Variants in PSMA1 observed in about 807,000 individuals in gnomAD.
The protein encoded by PSMA1 is proteasome subunit alpha type-1.
Under a neutral mutation model 38.4 loss-of-function variants are expected in PSMA1, and 3 were observed. The ratio of observed to expected loss-of-function variants is 0.08; its 90% CI spans 0.04 to 0.20. PSMA1 has a LOEUF of 0.20. PSMA1 is among the 10% of genes least tolerant of loss of function. The pLI, the probability that PSMA1 is intolerant of heterozygous loss-of-function variation, is 1.00. For synonymous variants in PSMA1, 101 were observed against 107.1 expected, an observed-to-expected ratio of 0.94 and a Z score of 0.35; for missense variants, 227 against 325.3, an observed-to-expected ratio of 0.70 and a Z score of 2.32.
At chr11:14,536,529 A>G (rs1361946279) in intron 2 of PSMA1, among the ~76,000 whole-genome samples, 3 of 152,010 alleles carry the variant, frequency 2.0e-5, no homozygotes, top group African/African-American at 7.2e-5. Context: ...TCCGACTCCA[A>G]AAAACAAACA....
chr11:14,617,239 A>C (rs960309760), intron 1 of PSMA1, among the ~76,000 whole-genome samples: 2 of 152,170 alleles, frequency 1.3e-5, no homozygotes, highest in Admixed American at 1.3e-4. Context: ...ACACTAGTGG[A>C]ATCTTCTCCA....
intron 2 of PSMA1, among the ~76,000 whole-genome samples, chr11:14,548,017 A>AACAC (rs141234079): frequency 1.1e-3 from 166 of 149,422 alleles, no homozygotes; most frequent in African/African-American, 3.2e-3. Context: ...CACTATATAC[A>AACAC]ACACACACAC....
intron 1 of PSMA1, among the ~76,000 whole-genome samples, chr11:14,626,695 A>C (rs191575509): frequency 6.6e-6 from 1 of 152,338 alleles, no homozygotes; most frequent in East Asian, 1.9e-4. Context: ...TGCAAAGTTC[A>C]AGTGTAACAG....
chr11:14,559,579 G>A (rs552208219), intron 2 of PSMA1, among the ~76,000 whole-genome samples: 40 of 152,280 alleles, frequency 2.6e-4, no homozygotes, highest in Middle Eastern at 3.4e-3. Flanking sequence ...ACCACTAGAC[G>A]GAAGCAGAAC....
intron 2 of PSMA1, among the ~76,000 whole-genome samples, chr11:14,568,203 AAG>A (rs1464368743): frequency 2.0e-5 from 3 of 152,158 alleles, no homozygotes; most frequent in Non-Finnish European, 4.4e-5. Flanking sequence ...TGGAAGAGTG[AAG>A]TGCCCAACTC....
chr11:14,611,030 T>G lies in PSMA1; in HGVS notation c.-44A>C, dbSNP rs777154932. On this transcript the variant is annotated 5_prime_UTR_variant, in exon 2 of 11. Transcript: ENST00000418988. ...TCACCTAGTAGACCAACATACAACA[T>G]AGGTCTGGATTTGACTTGTCATTGT... The G allele has an allele frequency of 3.1e-6, 5 of 1,589,598 alleles. No homozygotes were observed. In the South Asian group the frequency reaches 5.5e-5, roughly 18 times the overall value.
At chr11:14,616,812 T>C (rs1311602716) in intron 1 of PSMA1, among the ~76,000 whole-genome samples, 1 of 152,138 alleles carries the variant, frequency 6.6e-6, no homozygotes, top group Non-Finnish European at 1.5e-5. Context: ...CTCATGGCTA[T>C]TATTAAGTAG....
At chr11:14,582,251 G>A (rs1213244341) in intron 2 of PSMA1, among the ~76,000 whole-genome samples, 1 of 152,088 alleles carries the variant, frequency 6.6e-6, no homozygotes, top group African/African-American at 2.4e-5. Context: ...AACTCTTGGA[G>A]ATTTAGGTTC....
At chr11:14,556,950 A>G (rs2134171281) in intron 2 of PSMA1, among the ~76,000 whole-genome samples, 1 of 152,230 alleles carries the variant, frequency 6.6e-6, no homozygotes, top group Admixed American at 6.5e-5. Context: ...ATCCTTCCAC[A>G]TCAGCCTTCC....
chr11:14,512,517 G>A (rs1421047896), intron 7 of PSMA1, among the ~76,000 whole-genome samples: 1 of 152,144 alleles, frequency 6.6e-6, no homozygotes, highest in Non-Finnish European at 1.5e-5. Flanking sequence ...TTCCTATCCA[G>A]GTTGAAATGT....
chr11:14,579,082 T>G (rs1852252503), intron 2 of PSMA1, among the ~76,000 whole-genome samples: 1 of 152,236 alleles, frequency 6.6e-6, no homozygotes, highest in African/African-American at 2.4e-5. Context: ...CTGTCTCCTC[T>G]CTTAAAAGTA....
At chr11:14,593,520 A>G (rs1349849809) in intron 2 of PSMA1, among the ~76,000 whole-genome samples, 2 of 152,008 alleles carry the variant, frequency 1.3e-5, no homozygotes, top group Admixed American at 6.6e-5. Context: ...CATGCCTAAG[A>G]GCCATGGTGG....
chr11:14,621,779 C>G (rs957938669), intron 1 of PSMA1, among the ~76,000 whole-genome samples: 2 of 152,162 alleles, frequency 1.3e-5, no homozygotes, highest in African/African-American at 4.8e-5. Flanking sequence ...CAACACATGT[C>G]TCTCATGTTT....
At chr11:14,562,902 C>G (rs1391857806) in intron 2 of PSMA1, among the ~76,000 whole-genome samples, 1 of 152,094 alleles carries the variant, frequency 6.6e-6, no homozygotes, top group Non-Finnish European at 1.5e-5. Flanking sequence ...ATTATTATGT[C>G]AAGTTCTGGT....
chr11:14,513,998 C>A, intron 5 of PSMA1, 111 bp from the exon 6 acceptor site: 2 of 1,369,124 alleles, frequency 1.5e-6, no homozygotes, highest in South Asian at 2.0e-5. Flanking sequence ...GTTGCATAAT[C>A]CACCAGAGAA....
intron 1 of PSMA1, among the ~76,000 whole-genome samples, chr11:14,633,865 AAAAGCGC>A (rs1464426460): frequency 1.3e-5 from 2 of 152,106 alleles, no homozygotes; most frequent in African/African-American, 4.8e-5. Flanking sequence ...AGTCCGTCGG[AAAAGCGC>A]AGTATTAGGG....
At chr11:14,623,796 G>A (rs1259041285) in intron 1 of PSMA1, among the ~76,000 whole-genome samples, 1 of 152,182 alleles carries the variant, frequency 6.6e-6, no homozygotes, top group Non-Finnish European at 1.5e-5. Flanking sequence ...CACCAAAGCT[G>A]ACCTAGCTTC....
At chr11:14,538,758 G>A (rs376991616) in intron 2 of PSMA1, among the ~76,000 whole-genome samples, 1 of 152,230 alleles carries the variant, frequency 6.6e-6, no homozygotes. Context: ...TGAGGACAGG[G>A]CTGCCAAGGC....
intron 2 of PSMA1, among the ~76,000 whole-genome samples, chr11:14,601,142 G>A (rs987605335): frequency 2.6e-5 from 4 of 152,144 alleles, no homozygotes; most frequent in African/African-American, 9.7e-5. Context: ...GGAGTAAGGA[G>A]CCAAACATCA....
Sources: gnomAD v4.1 joint callset for allele counts (sites outside exome capture counted in the v4.1 genomes callset) on GRCh38, gnomAD v4.1.1 for gene constraint, MANE v1.5 for transcripts, NCBI Gene and HGNC (gene_info 2026-07-23, HGNC 2026-07-21) for gene names.